DLC1: variants seen among roughly 807,000 people sequenced by gnomAD.
DLC1 encodes the protein rho GTPase-activating protein 7.
Under a neutral mutation model 140.3 loss-of-function variants are expected in DLC1, and 54 were observed. The ratio of observed to expected loss-of-function variants is 0.38; its 90% CI spans 0.31 to 0.48. The LOEUF is 0.48. Ranked by LOEUF, DLC1 falls within the 20% of genes least tolerant of loss-of-function variation. The pLI is 0.96. For synonymous variants in DLC1, 986 were observed against 728.1 expected (o/e 1.35, Z -5.70); for missense variants, 2,536 against 1,907.0 (o/e 1.33, Z -6.14).
chr8:13,106,693 G>A (rs1311080898), intron 7 of DLC1, among the ~76,000 whole-genome samples: 8 of 152,218 alleles, frequency 5.3e-5, no homozygotes, highest in Admixed American at 5.2e-4. Context: ...CTGCTCTAAG[G>A]TGGGCTGCTT....
chr8:13,130,456 T>C (rs757571053), intron 5 of DLC1, among the ~76,000 whole-genome samples: 2 of 152,244 alleles, frequency 1.3e-5, no homozygotes, highest in Non-Finnish European at 2.9e-5. Context: ...AGAAATGCTC[T>C]AAACTTTGCT....
chr8:13,329,685 C>A (rs541159541), intron 4 of DLC1, among the ~76,000 whole-genome samples: 1 of 152,114 alleles, frequency 6.6e-6, no homozygotes, highest in African/African-American at 2.4e-5. Flanking sequence ...TTCTGATATA[C>A]ATTATGATTT....
rs1158395003 is a variant in DLC1 at position 13,214,884 on chromosome 8, C to T, written c.1348+90385G>A. On this transcript the variant is annotated intron_variant, in intron 5 of 17. Transcript: ENST00000276297. ...GGTCTCATGACAGGGCTTTTGTAAG[C>T]GCCTTGCTCCATGACTGGGAATAAG... 37 of 689,252 alleles carry T rather than the reference C, an allele frequency of 5.4e-5. No individual in the cohort carries two copies. The Admixed American group carries it at 6.1e-4, about 11-fold the overall frequency. The allele number at this position is 689,252 out of a possible 1,614,324, so 42.7% of individuals were successfully genotyped here. A position where few individuals can be genotyped will look rare whatever the true frequency, so the allele number is the denominator to read the frequency against.
intron 2 of DLC1, among the ~76,000 whole-genome samples, chr8:13,444,543 C>T (rs1183638301): frequency 1.3e-5 from 2 of 152,084 alleles, no homozygotes; most frequent in Non-Finnish European, 2.9e-5. Flanking sequence ...TAGGTGCATT[C>T]TACACTACGA....
Position 13,579,336 on chromosome 8 carries a change from TATATATATATATATATATA to T in DLC1, c.-126+25182_-126+25200del, listed in dbSNP as rs1416180993. Among the ~76,000 whole-genome samples, 7 of 20,250 alleles carry T rather than the reference TATATATATATATATATATA, an allele frequency of 3.5e-4. 2 individuals are homozygous for T. In the South Asian group the frequency reaches 8.8e-3, roughly 26 times the overall value. 13.3% of individuals were successfully genotyped at this position (20,250 alleles called of 152,430 possible). ...GACTTTATATATATATATATATATA[TATATATATATATATATATA>T]TATATATTTTTATATAATACATATT... is the stretch of plus-strand genomic sequence containing the variant. On this transcript the variant is annotated intron_variant, in intron 1 of 1. Transcript: ENST00000631382.
chr8:13,520,556 G>A (rs184623295), intron 1 of DLC1, among the ~76,000 whole-genome samples: 1 of 152,164 alleles, frequency 6.6e-6, no homozygotes, highest in East Asian at 1.9e-4. Context: ...AACCACCATG[G>A]CACGTGTATA....
chr8:13,282,378 G>A (rs1282227119), intron 5 of DLC1, among the ~76,000 whole-genome samples: 8 of 152,194 alleles, frequency 5.3e-5, no homozygotes, highest in East Asian at 1.9e-4. Flanking sequence ...ATGTAGAGAT[G>A]CCCTCAGGAA....
chr8:13,562,079 T>C (rs745888468), intron 1 of DLC1, among the ~76,000 whole-genome samples: 5 of 152,130 alleles, frequency 3.3e-5, no homozygotes, highest in Non-Finnish European at 5.9e-5. Context: ...TTGATTTTGG[T>C]GGTGGTTACA....
Position 13,083,827 on chromosome 8 carries a change from GA to G in DLC1, c.*1983del, listed in dbSNP as rs1228121002. 2 of 152,618 alleles carry G rather than the reference GA, an allele frequency of 1.3e-5. No individual in the cohort carries two copies. Among genetic ancestry groups the G allele is most frequent in the African/African-American group, 4.8e-5 (2 of 41,444 alleles). 9.5% of individuals were successfully genotyped at this position (152,618 alleles called of 1,614,324 possible). ...TTTTCCTTCAGCAAATCGCTCTTTT[GA>G]TTGTAGTTGATGCTAAAATGCTATG... is the stretch of plus-strand genomic sequence containing the variant. On this transcript the variant is annotated 3_prime_UTR_variant, in exon 18 of 18. Transcript: ENST00000276297.
intron 4 of DLC1, among the ~76,000 whole-genome samples, chr8:13,321,433 G>T (rs1214659429): frequency 6.7e-6 from 1 of 148,474 alleles, no homozygotes; most frequent in Non-Finnish European, 1.5e-5. Flanking sequence ...AGCTACTTGG[G>T]AGGCTGAGGC....
intron 4 of DLC1, among the ~76,000 whole-genome samples, chr8:13,352,629 C>G (rs1041858882): frequency 6.6e-6 from 1 of 152,278 alleles, no homozygotes; most frequent in Admixed American, 6.5e-5. Context: ...ATCTTCCCAC[C>G]TCAGCTTCCT....
At chr8:13,582,970 C>G (rs189526139) in intron 1 of DLC1, among the ~76,000 whole-genome samples, 4 of 141,228 alleles carry the variant, frequency 2.8e-5, no homozygotes, top group South Asian at 2.3e-4. Context: ...ATTAAAAATA[C>G]TTTATTGCTG....
Position 13,499,285 on chromosome 8 carries a change from T to G in DLC1, c.787A>C (p.Thr263Pro), listed in dbSNP as rs111395470. The change falls in exon 2 of 18, where the codon ACA becomes CCA. Residue 263 changes from threonine to proline, a missense_variant. Thr to Pro is a conservative substitution (Grantham distance 38). Transcript: ENST00000276297. ...TTTAATAATGGCAGTCCTCTGTTTG[T>G]GCAAGGAGTATCCAAGAACTCATTT... ...VQNEFLDTPC[T>P]NRGLPLLKTD... 85 of 1,614,144 alleles carry G rather than the reference T, an allele frequency of 5.3e-5. 3 individuals are homozygous for G. In the African/African-American group the frequency reaches 6.0e-4, roughly 11 times the overall value.
chr8:13,565,931 G>GA (rs1804413015), intron 1 of DLC1, among the ~76,000 whole-genome samples: 1 of 152,182 alleles, frequency 6.6e-6, no homozygotes, highest in Admixed American at 6.5e-5. Context: ...GATTCAGTTA[G>GA]AAAAAAGGTT....
intron 2 of DLC1, among the ~76,000 whole-genome samples, chr8:13,402,732 T>C (rs1368142963): frequency 6.6e-6 from 1 of 152,214 alleles, no homozygotes; most frequent in Non-Finnish European, 1.5e-5. Flanking sequence ...TGGTTCGTTG[T>C]GAGATGAAAA....
intron 4 of DLC1, among the ~76,000 whole-genome samples, chr8:13,345,547 C>CTTTTTTTTTTT (rs535092622): frequency 0.019 from 1,266 of 67,424 alleles, 166 homozygotes; most frequent in Middle Eastern, 0.043. Context: ...TTCACTCACA[C>CTTTTTTTTTTT]TTTTTTTTTT....
At position 13,567,172 on chromosome 8, in the gene DLC1, A is replaced by T. The variant is rs1354615899; in HGVS notation, c.-126+37365T>A. On this transcript the variant is annotated intron_variant, in intron 1 of 1. Coordinates refer to the DLC1 transcript ENST00000631382. ...GAGCAAACTGGAGAGGGAAAAGCAGACTCCAAGCTTGGAACAAGGAGACAC... is the reference window on the plus strand; with the variant it reads ...GAGCAAACTGGAGAGGGAAAAGCAGTCTCCAAGCTTGGAACAAGGAGACAC... 3 of 1,551,626 alleles carry T rather than the reference A, an allele frequency of 1.9e-6. No homozygotes were observed. The East Asian group carries it at 7.3e-5, about 38-fold the overall frequency.
intron 4 of DLC1, among the ~76,000 whole-genome samples, chr8:13,348,287 C>A (rs1032722620): frequency 2.0e-5 from 3 of 152,084 alleles, no homozygotes; most frequent in African/African-American, 7.2e-5. Flanking sequence ...TTCCATGTTG[C>A]TGGAGTTTCA....
At position 13,099,911 on chromosome 8, in the gene DLC1, A is replaced by G; in HGVS notation, c.2426T>C (p.Ile809Thr). 6.2e-7 allele frequency: 1 copy of G among 1,614,078 alleles called. No individual in the cohort carries two copies. The highest frequency in any genetic ancestry group is 8.5e-7 in the Non-Finnish European group (1 of 1,180,038). ...AGTGCCAGGCTTGTGATCTTCAGGG[A>G]TGTAGAACACCGTGTCCTCTGGGTA... ...ESYPEDTVFY[I>T]PEDHKPGTFP... Residue 809 changes from isoleucine (I) to threonine (T), a missense_variant, in exon 9 of 18, where the codon ATC becomes ACC. Physicochemically the swap from Ile to Thr is moderately conservative, Grantham distance 89. Coordinates refer to ENST00000276297, the MANE Select transcript of DLC1 (RefSeq NM_182643.3).
Sources: allele counts gnomAD v4.1 joint callset (sites outside exome capture counted in the v4.1 genomes callset), GRCh38; gene constraint gnomAD v4.1.1; transcripts MANE v1.5; gene names NCBI Gene and HGNC (gene_info 2026-07-23, HGNC 2026-07-21).